PCDHGA2: variants seen among roughly 807,000 people sequenced by gnomAD.
The protein encoded by PCDHGA2 is protocadherin gamma-A2.
PCDHGA2 carries 40 observed loss-of-function variants against 59.2 expected under a neutral mutation model. The observed-to-expected ratio is 0.68, with a 90% CI of 0.52 to 0.88. PCDHGA2 has a LOEUF of 0.88. PCDHGA2 is among the 40% of genes least tolerant of loss of function. PCDHGA2 has a pLI of 0.00. For missense variants in PCDHGA2, 1,226 were observed against 1,204.0 expected (o/e 1.02, Z -0.27); for synonymous variants, 560 against 526.0 (o/e 1.06, Z -0.89).
At chr5:141,457,554 G>A (rs2098924282) in intron 1 of PCDHGA2, among the ~76,000 whole-genome samples, 1 of 152,166 alleles carries the variant, frequency 6.6e-6, no homozygotes, top group Admixed American at 6.5e-5. Flanking sequence ...TGTATGATAA[G>A]CTTTGGAGCA....
chr5:141,491,291 C>A lies in PCDHGA2; in HGVS notation c.2425-3516C>A. The A allele has an allele frequency of 8.1e-6, 13 of 1,614,152 alleles. No individual in the cohort carries two copies. Among genetic ancestry groups the A allele is most frequent in the Non-Finnish European group, 1.1e-5 (13 of 1,179,974 alleles). On this transcript the variant is annotated intron_variant, in intron 1 of 3. Transcript: ENST00000394576. This position sits in a 1 kb window ranked among gnomAD's most constrained non-coding sequence, Gnocchi z 6.9. The stretch of plus-strand genomic sequence containing the variant: ...AAATCCAGTGACTTCCTCATACACC[C>A]TCCTGAGCGTTCAGACCTTACCCTT...
At chr5:141,356,890 TA>T in intron 1 of PCDHGA2, 1 of 1,614,214 alleles carries the variant, frequency 6.2e-7, no homozygotes, top group Non-Finnish European at 8.5e-7. Context: ...TGAGATCCTG[TA>T]CCCCACCTTC....
At chr5:141,465,457 C>G (rs956070103) in intron 1 of PCDHGA2, among the ~76,000 whole-genome samples, 1 of 152,214 alleles carries the variant, frequency 6.6e-6, no homozygotes, top group Non-Finnish European at 1.5e-5. Context: ...AAAACTCTCA[C>G]CAAATTGCCC....
rs112156044 is a variant in PCDHGA2, at chr5:141,476,771, G to T, written c.2425-18036G>T. ...CCAGTTAGTGCTGACGGCGTTGGAC[G>T]GAGGGACCCCAGCTCTCTCCGCCAG... On this transcript the variant is annotated intron_variant, in intron 1 of 3. Coordinates refer to ENST00000394576, the MANE Select transcript of PCDHGA2 (RefSeq NM_018915.4). The surrounding 1 kb of genome is among the most constrained non-coding windows in gnomAD (Gnocchi z 7.6). The T allele has an allele frequency of 6.2e-7, 1 of 1,613,700 alleles. No homozygotes were observed. The highest frequency in any genetic ancestry group is 1.1e-5 in the South Asian group (1 of 91,084).
intron 1 of PCDHGA2, among the ~76,000 whole-genome samples, chr5:141,484,009 T>A (rs1157069536): frequency 7.1e-5 from 1 of 14,094 alleles, no homozygotes; most frequent in African/African-American, 2.8e-4. Flanking sequence ...TGGATGAGGG[T>A]GGGGGTGGGG....
chr5:141,355,518 G>T, intron 1 of PCDHGA2: 2 of 1,614,050 alleles, frequency 1.2e-6, no homozygotes, highest in African/African-American at 2.7e-5. Context: ...TGACAAACCT[G>T]GAGATTCTTC....
At position 141,427,779 on chromosome 5, in the gene PCDHGA2, C is replaced by T. The variant is rs1196661076; in HGVS notation, c.2425-67028C>T. On this transcript the variant is annotated intron_variant, in intron 1 of 3. Transcript: ENST00000394576. Reference sequence around the variant, plus strand: ...TACCACTGACTTGGAGCTGCGGGCACTGTCGTCCTACGTGTCCGTGAGCGC... The same window carrying T: ...TACCACTGACTTGGAGCTGCGGGCATTGTCGTCCTACGTGTCCGTGAGCGC... 2.1e-6 allele frequency: 3 copies of T among 1,454,498 alleles called. No individual in the cohort carries two copies. The East Asian group carries it at 6.8e-5, about 33-fold the overall frequency. The allele number at this position is 1,454,498 out of a possible 1,614,324, so 90.1% of individuals were successfully genotyped here. A position where few individuals can be genotyped will look rare whatever the true frequency, so the allele number is the denominator to read the frequency against.
In PCDHGA2 at chr5:141,489,576, C is replaced by T; in HGVS notation, c.2425-5231C>T. 1.9e-6 allele frequency: 3 copies of T among 1,614,054 alleles called. No individual in the cohort carries two copies. Among genetic ancestry groups the T allele is most frequent in the Non-Finnish European group, 2.5e-6 (3 of 1,179,976 alleles). Reference sequence around the variant, plus strand: ...TGCCAGTGCAGGTGGTGACTGAACACCCCCTGGAGCTAATCCGTGTAGAGG... The same window carrying T: ...TGCCAGTGCAGGTGGTGACTGAACATCCCCTGGAGCTAATCCGTGTAGAGG... On this transcript the variant is annotated intron_variant, in intron 1 of 3. Coordinates refer to ENST00000394576, the MANE Select transcript of PCDHGA2 (RefSeq NM_018915.4). This position sits in a 1 kb window ranked among gnomAD's most constrained non-coding sequence, Gnocchi z 4.5.
intron 1 of PCDHGA2, chr5:141,351,652 C>T (rs778580373): frequency 4.3e-6 from 7 of 1,614,054 alleles, no homozygotes; most frequent in Non-Finnish European, 5.9e-6. Flanking sequence ...ACCCACCTGG[C>T]GCCTCCATTG....
chr5:141,412,592 C>T (rs1472116158), intron 1 of PCDHGA2: 1 of 152,048 alleles, frequency 6.6e-6, no homozygotes, highest in African/African-American at 2.4e-5. Context: ...TGAATGTATA[C>T]TAAATAAAAT....
intron 1 of PCDHGA2, chr5:141,371,206 A>T: frequency 6.2e-7 from 1 of 1,614,018 alleles, no homozygotes. Context: ...GACATGGATG[A>T]GGGCATCAAT....
Position 141,404,638 on chromosome 5 carries a change from C to T in PCDHGA2, c.2424+63243C>T, listed in dbSNP as rs776247476. On this transcript the variant is annotated intron_variant, in intron 1 of 3. Coordinates refer to ENST00000394576, the MANE Select transcript of PCDHGA2 (RefSeq NM_018915.4). Reference sequence around the variant, plus strand: ...ACCAGAATGACAATGCCCCAGAAATCCTGTACCCTGCCCTCCCCACTGATG... The same window carrying T: ...ACCAGAATGACAATGCCCCAGAAATTCTGTACCCTGCCCTCCCCACTGATG... 5 of 1,614,194 alleles carry T rather than the reference C, an allele frequency of 3.1e-6. No homozygotes were observed. In the South Asian group the frequency reaches 5.5e-5, roughly 18 times the overall value.
intron 1 of PCDHGA2, chr5:141,416,673 C>A (rs1259750007): frequency 6.6e-6 from 1 of 151,958 alleles, no homozygotes; most frequent in Non-Finnish European, 1.5e-5. Flanking sequence ...ATATATGCAA[C>A]GAAGGGAAAT....
intron 1 of PCDHGA2, chr5:141,383,858 A>T: frequency 6.2e-7 from 1 of 1,613,996 alleles, no homozygotes. Flanking sequence ...ATGGAGGTTC[A>T]GGCTCAAGAT....
intron 1 of PCDHGA2, chr5:141,372,361 C>T (rs1227917364): frequency 1.2e-6 from 2 of 1,613,834 alleles, no homozygotes; most frequent in Admixed American, 3.3e-5. Flanking sequence ...CCTCTTTCAG[C>T]CACCGTCATG....
At chr5:141,467,214 G>A (rs1333148694) in intron 1 of PCDHGA2, among the ~76,000 whole-genome samples, 1 of 151,856 alleles carries the variant, frequency 6.6e-6, no homozygotes, top group Admixed American at 6.6e-5. Context: ...CACCATGCCT[G>A]GCTAATTTTT....
At chr5:141,408,036 A>C in intron 1 of PCDHGA2, 1 of 1,132,834 alleles carries the variant, frequency 8.8e-7, no homozygotes, top group Non-Finnish European at 1.2e-6. Flanking sequence ...GAAGAAAACC[A>C]GCTCCCACAC....
intron 1 of PCDHGA2, chr5:141,350,776 T>C (rs2149758919): frequency 2.5e-6 from 4 of 1,613,926 alleles, no homozygotes; most frequent in Non-Finnish European, 2.5e-6. Context: ...TCAACCCCAA[T>C]CAATACTTCT....
rs561451935 is a variant in PCDHGA2 at position 141,423,179 on chromosome 5, G to A, written c.2425-71628G>A. 21 of 1,613,516 alleles carry A rather than the reference G, an allele frequency of 1.3e-5. No individual in the cohort carries two copies. The South Asian group carries it at 2.1e-4, about 16-fold the overall frequency. ...CTCGTGGTGGCCGTCCAGGACCACG[G>A]CCAGCCCCCTCTCTCGGCCACCGTC... On this transcript the variant is annotated intron_variant, in intron 1 of 3. Transcript: ENST00000394576.
Sources: gnomAD v4.1 joint callset for allele counts (sites outside exome capture counted in the v4.1 genomes callset) on GRCh38, gnomAD v4.1.1 for gene constraint, Gnocchi (gnomAD v3.1) non-coding constraint, MANE v1.5 for transcripts, NCBI Gene and HGNC (gene_info 2026-07-23, HGNC 2026-07-21) for gene names.